The following KCNIP1 variants were observed in gnomAD, a reference collection of about 807,000 sequenced individuals.
The protein encoded by KCNIP1 is A-type potassium channel modulatory protein KCNIP1.
KCNIP1 carries 18 observed loss-of-function variants against 33.0 expected under a neutral mutation model. The observed-to-expected ratio is 0.55, with a 90% CI of 0.38 to 0.81. KCNIP1 has a LOEUF of 0.81. KCNIP1 is among the 30% of genes least tolerant of loss of function. The pLI, the probability that KCNIP1 is intolerant of heterozygous loss-of-function variation, is 0.00. For synonymous variants in KCNIP1, 93 were observed against 98.3 expected, an observed-to-expected ratio of 0.95 and a Z score of 0.32; for missense variants, 238 against 271.6, an observed-to-expected ratio of 0.88 and a Z score of 0.87.
At position 170,703,427 on chromosome 5, in the gene KCNIP1, C is replaced by T. The variant is rs952318108; in HGVS notation, c.62-15331C>T. Among the ~76,000 whole-genome samples the T allele has an allele frequency of 3.6e-5, 5 of 137,314 alleles. 1 individual carries two copies. Among genetic ancestry groups the T allele is most frequent in the African/African-American group, 1.3e-4 (5 of 37,346 alleles). The allele number at this position is 137,314 out of a possible 152,430, so 90.1% of individuals were successfully genotyped here. On this transcript the variant is annotated intron_variant, in intron 1 of 7. Transcript: ENST00000328939. ...TAATTTCAGATTTCTAAAGGAAAGC[C>T]AAAAGTTCATATTTTTATGTGAAAT...
intron 1 of KCNIP1, among the ~76,000 whole-genome samples, chr5:170,471,971 G>T (rs1320834577): frequency 6.6e-6 from 1 of 152,206 alleles, no homozygotes; most frequent in African/African-American, 2.4e-5. Flanking sequence ...TGAAGGCTAT[G>T]GGGTGGAAGT....
At chr5:170,439,122 C>T (rs1035649360) in intron 1 of KCNIP1, among the ~76,000 whole-genome samples, 1 of 152,148 alleles carries the variant, frequency 6.6e-6, no homozygotes, top group African/African-American at 2.4e-5. Flanking sequence ...ATCAGTTGTA[C>T]TCACATGCCT....
chr5:170,721,358 T>G (rs1763814512), intron 3 of KCNIP1, among the ~76,000 whole-genome samples: 1 of 152,116 alleles, frequency 6.6e-6, no homozygotes, highest in African/African-American at 2.4e-5. Context: ...TTTAAAAAAT[T>G]TCAAGAGATA....
chr5:170,632,504 C>T (rs1760089195), intron 1 of KCNIP1, among the ~76,000 whole-genome samples: 1 of 152,244 alleles, frequency 6.6e-6, no homozygotes, highest in Non-Finnish European at 1.5e-5. Context: ...CCAACAGAGG[C>T]GGGAGATGAG....
intron 1 of KCNIP1, among the ~76,000 whole-genome samples, chr5:170,659,855 T>C (rs1480655281): frequency 2.0e-5 from 3 of 152,234 alleles, no homozygotes; most frequent in African/African-American, 7.2e-5. Flanking sequence ...TTCTGTGTCC[T>C]CAGATCTCCA....
intron 1 of KCNIP1, among the ~76,000 whole-genome samples, chr5:170,605,399 T>C (rs1006531532): frequency 6.6e-6 from 1 of 152,240 alleles, no homozygotes; most frequent in African/African-American, 2.4e-5. Flanking sequence ...ACTCAGCCCA[T>C]CTTAATTTTT....
At chr5:170,521,627 A>G (rs933979443) in intron 1 of KCNIP1, among the ~76,000 whole-genome samples, 1 of 152,222 alleles carries the variant, frequency 6.6e-6, no homozygotes, top group African/African-American at 2.4e-5. Context: ...GGAGAGCAAA[A>G]TCCACACACA....
intron 1 of KCNIP1, among the ~76,000 whole-genome samples, chr5:170,610,832 C>T (rs1449637807): frequency 6.6e-6 from 1 of 152,220 alleles, no homozygotes; most frequent in African/African-American, 2.4e-5. Context: ...GCCATCAAAC[C>T]TATGTCCATG....
intron 1 of KCNIP1, among the ~76,000 whole-genome samples, chr5:170,430,115 G>A (rs1252838886): frequency 6.6e-6 from 1 of 152,186 alleles, no homozygotes; most frequent in Non-Finnish European, 1.5e-5. Context: ...ATACTTCAGC[G>A]ACCCTGCTCA....
intron 1 of KCNIP1, among the ~76,000 whole-genome samples, chr5:170,400,540 C>T (rs193126337): frequency 1.1e-3 from 173 of 152,286 alleles, no homozygotes; most frequent in Non-Finnish European, 1.9e-3. Flanking sequence ...CAGAGCCTAG[C>T]CATATCATTC....
chr5:170,563,957 G>A (rs1237044436), intron 1 of KCNIP1, among the ~76,000 whole-genome samples: 1 of 152,042 alleles, frequency 6.6e-6, no homozygotes, highest in African/African-American at 2.4e-5. Context: ...TCTACCATTT[G>A]GGGCATATTC....
intron 1 of KCNIP1, among the ~76,000 whole-genome samples, chr5:170,365,822 T>C (rs922864290): frequency 6.6e-6 from 1 of 152,258 alleles, no homozygotes. Context: ...TGTGCAATAA[T>C]GCCAATACCA....
chr5:170,510,468 A>C (rs138296895), intron 1 of KCNIP1, among the ~76,000 whole-genome samples: 1,553 of 152,260 alleles, frequency 0.01, 30 homozygotes, highest in African/African-American at 0.036. Flanking sequence ...CCTGGGGAGA[A>C]GCTCTGCAAA....
At chr5:170,474,740 T>C (rs114633733) in intron 1 of KCNIP1, among the ~76,000 whole-genome samples, 1,610 of 152,244 alleles carry the variant, frequency 0.011, 30 homozygotes, top group African/African-American at 0.036. Context: ...GGAACCCAGG[T>C]GTTGTGTCCG....
At chr5:170,684,006 C>T (rs747981069) in intron 1 of KCNIP1, among the ~76,000 whole-genome samples, 1 of 151,824 alleles carries the variant, frequency 6.6e-6, no homozygotes, top group South Asian at 2.1e-4. Context: ...ATCCACCTGC[C>T]GAGGCCTCCC....
chr5:170,617,431 C>T (rs759041713), intron 1 of KCNIP1, among the ~76,000 whole-genome samples: 1 of 152,176 alleles, frequency 6.6e-6, no homozygotes, highest in Non-Finnish European at 1.5e-5. Flanking sequence ...TTCTGGCTTC[C>T]ATATGTCCCT....
intron 1 of KCNIP1, among the ~76,000 whole-genome samples, chr5:170,568,537 G>A (rs772961635): frequency 1.9e-4 from 28 of 151,264 alleles, no homozygotes; most frequent in Admixed American, 7.9e-4. Flanking sequence ...TTCATGCCGG[G>A]TGCAGTGGCT....
intron 1 of KCNIP1, among the ~76,000 whole-genome samples, chr5:170,468,659 T>C (rs1316031136): frequency 1.3e-5 from 2 of 152,090 alleles, no homozygotes; most frequent in South Asian, 2.1e-4. Context: ...GGTGGGTGGA[T>C]AGCTTGAGCC....
chr5:170,420,847 G>A (rs1258862062), intron 1 of KCNIP1, among the ~76,000 whole-genome samples: 6 of 152,122 alleles, frequency 3.9e-5, no homozygotes, highest in East Asian at 1.9e-4. Context: ...TTCAGTCTTC[G>A]AAGTCAGTGG....
Sources: allele counts gnomAD v4.1 joint callset (sites outside exome capture counted in the v4.1 genomes callset), GRCh38; gene constraint gnomAD v4.1.1; transcripts MANE v1.5; gene names NCBI Gene and HGNC (gene_info 2026-07-23, HGNC 2026-07-21).